TRAF3IP1: variants seen among roughly 807,000 people sequenced by gnomAD.
TRAF3IP1 encodes the protein intraflagellar transport 54.
Under a neutral mutation model 89.9 loss-of-function variants are expected in TRAF3IP1, and 53 were observed. That is an observed-to-expected ratio of 0.59 (90% CI 0.47 to 0.74). The LOEUF (loss-of-function observed/expected upper bound fraction) is 0.74. Ranked by LOEUF, TRAF3IP1 falls within the 30% of genes least tolerant of loss-of-function variation. TRAF3IP1 has a pLI of 0.00. For missense variants in TRAF3IP1, 806 were observed against 866.1 expected (o/e 0.93, Z 0.87); for synonymous variants, 311 against 322.1 (o/e 0.97, Z 0.37).
intron 15 of TRAF3IP1, 27 bp from the exon 16 acceptor site, chr2:238,397,432 C>T (rs1268781482): frequency 1.9e-6 from 3 of 1,607,482 alleles, no homozygotes; most frequent in Non-Finnish European, 2.6e-6. Flanking sequence ...GAGGCGTGTT[C>T]CTCTTCCTAT....
At chr2:238,393,267 A>G (rs1701070739) in intron 15 of TRAF3IP1, among the ~76,000 whole-genome samples, 1 of 152,164 alleles carries the variant, frequency 6.6e-6, no homozygotes, top group African/African-American at 2.4e-5. Flanking sequence ...TGTGGTTTGA[A>G]TTCGCATTTC....
chr2:238,387,638 A>AT (rs1014068417), intron 15 of TRAF3IP1, among the ~76,000 whole-genome samples: 2 of 152,136 alleles, frequency 1.3e-5, no homozygotes, highest in African/African-American at 4.8e-5. Context: ...TCAGAGTTGT[A>AT]TTTTTTTGTA....
chr2:238,320,610 C>A lies in TRAF3IP1; in HGVS notation c.-53C>A. 2 of 1,201,880 alleles carry A rather than the reference C, an allele frequency of 1.7e-6. No homozygotes were observed. Among genetic ancestry groups the A allele is most frequent in the Non-Finnish European group, 2.1e-6 (2 of 956,352 alleles). The allele number at this position is 1,201,880 out of a possible 1,614,324, so 74.5% of individuals were successfully genotyped here. ...CGGCGGCCAGGGACCCGGGCTTAGG[C>A]TCGGCCAGGCCGGCTGAGGGGCGCG... On this transcript the variant is annotated 5_prime_UTR_variant, in exon 1 of 17. Coordinates refer to ENST00000373327, the MANE Select transcript of TRAF3IP1 (RefSeq NM_015650.4).
intron 15 of TRAF3IP1, among the ~76,000 whole-genome samples, chr2:238,377,918 CTG>C (rs570474243): frequency 6.6e-6 from 1 of 152,070 alleles, no homozygotes; most frequent in South Asian, 2.1e-4. Flanking sequence ...TCCATTTTGA[CTG>C]TCAGTTTTTT....
At chr2:238,328,483 C>G (rs1697947514) in intron 3 of TRAF3IP1, among the ~76,000 whole-genome samples, 1 of 152,112 alleles carries the variant, frequency 6.6e-6, no homozygotes, top group East Asian at 1.9e-4. Context: ...TGTTAGTGAC[C>G]AAAGTGCTGA....
At chr2:238,328,895 A>G in intron 4 of TRAF3IP1, 31 bp from the exon 5 acceptor site, 1 of 1,585,384 alleles carries the variant, frequency 6.3e-7, no homozygotes, top group Non-Finnish European at 8.6e-7. Context: ...AGGTAAAAAT[A>G]TTCATAAATG....
intron 15 of TRAF3IP1, among the ~76,000 whole-genome samples, chr2:238,363,507 G>A (rs1699745637): frequency 1.3e-5 from 2 of 152,110 alleles, no homozygotes; most frequent in African/African-American, 4.8e-5. Flanking sequence ...AATATCTAAT[G>A]TAATGAAATT....
chr2:238,340,013 G>C (rs1698561197), intron 8 of TRAF3IP1, among the ~76,000 whole-genome samples: 1 of 146,954 alleles, frequency 6.8e-6, no homozygotes, highest in Admixed American at 6.9e-5. Context: ...CTGGGGAGCA[G>C]AGTCTCCCGC....
chr2:238,338,533 A>T, intron 8 of TRAF3IP1, 76 bp downstream of exon 8: 4 of 794,308 alleles, frequency 5.0e-6, no homozygotes, highest in Non-Finnish European at 7.9e-6. Context: ...GTAGTTATAC[A>T]TTGTTAAAAA....
chr2:238,342,263 A>T (rs932346446), intron 8 of TRAF3IP1, among the ~76,000 whole-genome samples: 1 of 152,184 alleles, frequency 6.6e-6, no homozygotes, highest in African/African-American at 2.4e-5. Context: ...TGCTGGGATT[A>T]CAGGTGTGAG....
chr2:238,363,274 C>T (rs917305911), intron 15 of TRAF3IP1, among the ~76,000 whole-genome samples: 2 of 152,088 alleles, frequency 1.3e-5, no homozygotes, highest in African/African-American at 2.4e-5. Flanking sequence ...TATTTTGAGT[C>T]GTTGTCGTTT....
chr2:238,353,341 A>G (rs1574930392), intron 14 of TRAF3IP1, 132 bp downstream of exon 14: 3 of 924,586 alleles, frequency 3.2e-6, no homozygotes, highest in Non-Finnish European at 5.0e-6. Flanking sequence ...CACTGGCGGG[A>G]TCACACTGGT....
rs1227871442 is a variant in TRAF3IP1, at chr2:238,351,903, A to ATG, written c.1452-923_1452-922dup. ...CGTGTGCGTGCATGTGCTTGTGTGT[A>ATG]TGCGTGTGTGTGTGTGTGTGTGTGT... On this transcript the variant is annotated intron_variant, in intron 12 of 16. Transcript: ENST00000373327. The surrounding 1 kb of genome is among the most constrained non-coding windows in gnomAD (Gnocchi z 5.2). 3.8e-4 allele frequency among the ~76,000 whole-genome samples: 51 copies of ATG among 133,532 alleles called. No homozygotes were observed. Among genetic ancestry groups the ATG allele is most frequent in the African/African-American group, 1.4e-3 (50 of 35,746 alleles). The allele number at this position is 133,532 out of a possible 152,430, so 87.6% of individuals were successfully genotyped here. A position where few individuals can be genotyped will look rare whatever the true frequency, so the allele number is the denominator to read the frequency against.
chr2:238,335,668 C>A (rs1236684109), intron 7 of TRAF3IP1, among the ~76,000 whole-genome samples: 1 of 152,142 alleles, frequency 6.6e-6, no homozygotes, highest in Non-Finnish European at 1.5e-5. Context: ...CCTCTAACTT[C>A]AGCTTAGTGA....
At position 238,334,092 on chromosome 2, in the gene TRAF3IP1, T is replaced by TG. The variant is rs397744396; in HGVS notation, c.1063+58dup. On this transcript the variant is annotated intron_variant, in intron 7 of 16. Coordinates refer to ENST00000373327, the MANE Select transcript of TRAF3IP1 (RefSeq NM_015650.4). ...TATGGATATTAGTTTTTTTTTTTTTTGTCTTAATCTCAATGTCTAGTAGGA... is the reference window on the plus strand; with the variant it reads ...TATGGATATTAGTTTTTTTTTTTTTTGGTCTTAATCTCAATGTCTAGTAGGA... 5.1e-5 allele frequency: 70 copies of TG among 1,379,370 alleles called. No individual in the cohort carries two copies. The Admixed American group carries it at 9.6e-4, about 19-fold the overall frequency. 85.4% of individuals were successfully genotyped at this position (1,379,370 alleles called of 1,614,324 possible). A position where few individuals can be genotyped will look rare whatever the true frequency, so the allele number is the denominator to read the frequency against.
chr2:238,387,876 C>A (rs1229105942), intron 15 of TRAF3IP1, among the ~76,000 whole-genome samples: 1 of 152,114 alleles, frequency 6.6e-6, no homozygotes, highest in Non-Finnish European at 1.5e-5. Context: ...GCCAGGAGTT[C>A]AAGACCAGCC....
chr2:238,389,771 A>C (rs1700918944), intron 15 of TRAF3IP1, among the ~76,000 whole-genome samples: 1 of 150,250 alleles, frequency 6.7e-6, no homozygotes, highest in Non-Finnish European at 1.5e-5. Flanking sequence ...AATAATAATA[A>C]TAATAATAGT....
intron 15 of TRAF3IP1, among the ~76,000 whole-genome samples, chr2:238,358,873 C>T (rs1012393894): frequency 6.6e-6 from 1 of 152,210 alleles, no homozygotes; most frequent in Non-Finnish European, 1.5e-5. Flanking sequence ...TGGCTCCTCT[C>T]CATGCCTCCT....
intron 1 of TRAF3IP1, 135 bp from the exon 2 acceptor site, chr2:238,325,171 A>T: frequency 2.3e-6 from 2 of 861,296 alleles, no homozygotes; most frequent in South Asian, 1.5e-5. Context: ...TAGACATCAA[A>T]TATTTCTTAA....
Sources: gnomAD v4.1 joint callset for allele counts (sites outside exome capture counted in the v4.1 genomes callset) on GRCh38, gnomAD v4.1.1 for gene constraint, Gnocchi (gnomAD v3.1) non-coding constraint, MANE v1.5 for transcripts, NCBI Gene and HGNC (gene_info 2026-07-23, HGNC 2026-07-21) for gene names.